Variants in MRC2 observed in about 807,000 individuals in gnomAD.
MRC2 encodes the protein mannose receptor C-type 2, also known as C-type mannose receptor 2.
A neutral mutation model predicts 206.2 loss-of-function variants in MRC2; 84 were observed. That is an observed-to-expected ratio of 0.41 (90% CI 0.34 to 0.49). The LOEUF is 0.49. MRC2 is among the 20% of genes least tolerant of loss of function. The probability of loss-of-function intolerance (pLI) is 0.31; values close to 1 mark genes in which losing one functional copy is unlikely to be tolerated. For synonymous variants in MRC2, 798 were observed against 800.0 expected, an observed-to-expected ratio of 1.00 and a Z score of 0.04; for missense variants, 1,676 against 2,001.5, an observed-to-expected ratio of 0.84 and a Z score of 3.10.
chr17:62,660,035 A>C (rs538991788), intron 1 of MRC2, among the ~76,000 whole-genome samples: 45 of 152,304 alleles, frequency 3.0e-4, no homozygotes, highest in Admixed American at 5.2e-4. Flanking sequence ...CTGGTTCTGG[A>C]AGTGGCAGAG....
intron 1 of MRC2, among the ~76,000 whole-genome samples, chr17:62,659,731 G>A (rs9908362): frequency 0.013 from 1,935 of 152,276 alleles, 34 homozygotes; most frequent in African/African-American, 0.043. Context: ...TGCTGTTAGA[G>A]GACAGAGGGG....
chr17:62,659,382 A>T (rs1366564269), intron 1 of MRC2, among the ~76,000 whole-genome samples: 1 of 152,136 alleles, frequency 6.6e-6, no homozygotes, highest in Non-Finnish European at 1.5e-5. Context: ...TGTACTAAAA[A>T]TACAAAAATT....
rs775443070 is a variant in MRC2 at position 62,688,833 on chromosome 17, A to C, written c.3226-19A>C. 1 of 1,595,322 alleles carries C rather than the reference A, an allele frequency of 6.3e-7. No homozygotes were observed. The highest frequency in any genetic ancestry group is 8.5e-7 in the Non-Finnish European group (1 of 1,169,770). ...GGAGGCAGCTGCTGGGGCTCCCCTG[A>C]GCAGCTCCCTCCCCCCAGACCAGCT... On this transcript the variant is annotated intron_variant, in intron 22 of 29. Transcript: ENST00000303375.
chr17:62,680,271 CGACA>C lies in MRC2; in HGVS notation c.2401_2404del (p.Asp801HisfsTer59), dbSNP rs1188489384. ...CCCTGCAGTGGGTGGCCATGCAGTG[CGACA>C]CACAGCTGGACTGGATCTGCAAGAT... On this transcript the variant is annotated frameshift_variant, in exon 15 of 30. Transcript: ENST00000303375. LOFTEE classifies it high-confidence loss of function. The surrounding 1 kb of genome is among the most constrained non-coding windows in gnomAD (Gnocchi z 4.8). 1.2e-6 allele frequency: 2 copies of C among 1,614,000 alleles called. No homozygotes were observed. Among genetic ancestry groups the C allele is most frequent in the Non-Finnish European group, 1.7e-6 (2 of 1,179,978 alleles).
intron 1 of MRC2, among the ~76,000 whole-genome samples, chr17:62,636,563 G>A (rs552164607): frequency 0.016 from 2,375 of 150,822 alleles, 34 homozygotes; most frequent in Non-Finnish European, 0.02. Context: ...CCACCTCCCA[G>A]GTTCACGCCA....
chr17:62,678,574 G>C lies in MRC2; in HGVS notation c.2123G>C (p.Gly708Ala), dbSNP rs540465342. ...VQAQGACQEL[G>A]AQLLSLASYE... ...GCCCAGGGGGCCTGCCAGGAGCTGGGGGCCCAGCTGCTGAGCCTGGCCAGC... is the reference window on the plus strand; with the variant it reads ...GCCCAGGGGGCCTGCCAGGAGCTGGCGGCCCAGCTGCTGAGCCTGGCCAGC... The change falls in exon 13 of 30, where the codon GGG becomes GCG. Residue 708 changes from glycine to alanine, a missense_variant. By Grantham distance (60) the Gly-to-Ala change is moderately conservative. Coordinates refer to ENST00000303375, the MANE Select transcript of MRC2 (RefSeq NM_006039.5). The C allele has an allele frequency of 1.6e-4, 256 of 1,608,928 alleles. 9 individuals are homozygous for C. The South Asian group carries it at 2.7e-3, about 17-fold the overall frequency.
At position 62,667,340 on chromosome 17, in the gene MRC2, C is replaced by T. The variant is rs535186013; in HGVS notation, c.974-50C>T. On this transcript the variant is annotated intron_variant, in intron 5 of 29. Transcript: ENST00000303375. The surrounding 1 kb of genome is among the most constrained non-coding windows in gnomAD (Gnocchi z 4.1). ...GTTCTGAGCAGGGCCCCGGGAGCCA[C>T]GGTGTGAGCTTCTCTCTCCGGGGGT... The T allele has an allele frequency of 3.3e-6, 5 of 1,533,938 alleles. No individual in the cohort carries two copies. The African/African-American group carries it at 4.2e-5, about 13-fold the overall frequency.
chr17:62,680,651 GGCCTGGCACGGT>G lies in MRC2; in HGVS notation c.2474-143_2474-132del. On this transcript the variant is annotated intron_variant, in intron 16 of 29. Transcript: ENST00000303375. This position sits in a 1 kb window ranked among gnomAD's most constrained non-coding sequence, Gnocchi z 4.8. The stretch of plus-strand genomic sequence containing the variant: ...GAGGCGAGGCAAGCCTGGGGCCTGG[GGCCTGGCACGGT>G]GCCTGCCTGGGTCCGGTGTGCCTGC... The G allele has an allele frequency of 7.9e-7, 1 of 1,266,262 alleles. No individual in the cohort carries two copies. The highest frequency in any genetic ancestry group is 2.6e-5 in the East Asian group (1 of 38,894). 78.4% of individuals were successfully genotyped at this position (1,266,262 alleles called of 1,614,324 possible). A position where few individuals can be genotyped will look rare whatever the true frequency, so the allele number is the denominator to read the frequency against.
At position 62,680,900 on chromosome 17, in the gene MRC2, C is replaced by G. The variant is rs1167401814; in HGVS notation, c.2574C>G (p.Ala858=). ...AGCGCATCTGCACGTGGTTCCAGGC[C>G]GAGCTGACCTCGGTGCACAGCCAGG... ...QAQRICTWFQ[A]ELTSVHSQAE... Residue 858 remains alanine (A), a synonymous_variant, in exon 17 of 30, where the codon GCC becomes GCG. Coordinates refer to ENST00000303375, the MANE Select transcript of MRC2 (RefSeq NM_006039.5). The surrounding 1 kb of genome is among the most constrained non-coding windows in gnomAD (Gnocchi z 4.8). 1.2e-6 allele frequency: 2 copies of G among 1,613,098 alleles called. No homozygotes were observed. Among genetic ancestry groups the G allele is most frequent in the Non-Finnish European group, 8.5e-7 (1 of 1,179,952 alleles).
chr17:62,630,789 G>A (rs2084209912), intron 1 of MRC2, among the ~76,000 whole-genome samples: 1 of 151,996 alleles, frequency 6.6e-6, no homozygotes, highest in African/African-American at 2.4e-5. Context: ...GGGTGGCATC[G>A]GGTACTTGGG....
intron 1 of MRC2, among the ~76,000 whole-genome samples, chr17:62,641,472 G>A (rs1172396344): frequency 6.6e-6 from 1 of 152,180 alleles, no homozygotes; most frequent in Non-Finnish European, 1.5e-5. Flanking sequence ...ACGGGAAGCA[G>A]CTTTGCAGTC....
chr17:62,688,634 C>T lies in MRC2; in HGVS notation c.3195C>T (p.Gly1065=). The T allele has an allele frequency of 6.2e-7, 1 of 1,614,050 alleles. No homozygotes were observed. Among genetic ancestry groups the T allele is most frequent in the African/African-American group, 1.3e-5 (1 of 75,066 alleles). ...ACTGGGCACCTGGGGAGCCCTCTGG[C>T]CCTAGCCCTGCTCCCAGTGGCAACA... is the stretch of plus-strand genomic sequence containing the variant. ...YANWAPGEPS[G]PSPAPSGNKP... is the part of the protein sequence containing the mutation. Residue 1065 remains glycine, a synonymous_variant, in exon 22 of 30, where the codon GGC becomes GGT. Coordinates refer to ENST00000303375, the MANE Select transcript of MRC2 (RefSeq NM_006039.5).
chr17:62,665,225 C>T (rs2088735371), intron 2 of MRC2, among the ~76,000 whole-genome samples: 1 of 152,016 alleles, frequency 6.6e-6, no homozygotes. Flanking sequence ...CATGGAAAAA[C>T]CCCATCTCTA....
intron 1 of MRC2, among the ~76,000 whole-genome samples, chr17:62,640,129 C>T (rs1324936968): frequency 4.0e-5 from 6 of 150,540 alleles, no homozygotes; most frequent in Admixed American, 1.3e-4. Context: ...CCTCGGCCTC[C>T]CAAAGTGCTG....
chr17:62,642,014 C>T (rs996248581), intron 1 of MRC2, among the ~76,000 whole-genome samples: 4 of 152,150 alleles, frequency 2.6e-5, no homozygotes, highest in African/African-American at 9.7e-5. Context: ...CAAAGACATG[C>T]TACTATGTAA....
At chr17:62,678,095 C>T (rs752946922) in intron 12 of MRC2, among the ~76,000 whole-genome samples, 1 of 152,174 alleles carries the variant, frequency 6.6e-6, no homozygotes, top group Non-Finnish European at 1.5e-5. Flanking sequence ...TAGGCTGTCA[C>T]AATGGAGATT....
intron 1 of MRC2, among the ~76,000 whole-genome samples, chr17:62,662,617 G>A (rs536873206): frequency 6.6e-6 from 1 of 152,012 alleles, no homozygotes; most frequent in South Asian, 2.1e-4. Flanking sequence ...ACCTAGAATC[G>A]AAGCACTAGC....
Position 62,674,069 on chromosome 17 carries a change from C to T in MRC2, c.1468C>T (p.Arg490Cys), listed in dbSNP as rs148930317. The T allele has an allele frequency of 2.3e-5, 35 of 1,550,416 alleles. No homozygotes were observed. The highest frequency in any genetic ancestry group is 4.9e-5 in the East Asian group (2 of 40,738). The change falls in exon 9 of 30, where the codon CGC becomes TGC. Residue 490 changes from arginine (R) to cysteine (C), a missense_variant. Physicochemically the swap from Arg to Cys is radical, Grantham distance 180. Around this residue, in one of 3 missense-constraint regions of MRC2, gnomAD observed 1,354 missense variants for 1,636.6 expected, o/e 0.83. Coordinates refer to ENST00000303375, the MANE Select transcript of MRC2 (RefSeq NM_006039.5). Reference sequence around the variant, plus strand: ...CCTCACCCTGTGTCCGTAGGAAGGCCGCTGGAACGACAGTCCCTGTAACCA... The same window carrying T: ...CCTCACCCTGTGTCCGTAGGAAGGCTGCTGGAACGACAGTCCCTGTAACCA... ...DCVTIWGPEG[R>C]WNDSPCNQSL...
At chr17:62,661,025 C>T (rs1203432544) in intron 1 of MRC2, among the ~76,000 whole-genome samples, 1 of 152,172 alleles carries the variant, frequency 6.6e-6, no homozygotes, top group South Asian at 2.1e-4. Flanking sequence ...AGGAGGATCT[C>T]TCTAAAGATG....
Sources: allele counts gnomAD v4.1 joint callset (sites outside exome capture counted in the v4.1 genomes callset), GRCh38; gene constraint gnomAD v4.1.1; regional missense constraint gnomAD v4.1.1; non-coding constraint Gnocchi (gnomAD v3.1); transcripts MANE v1.5; gene names NCBI Gene and HGNC (gene_info 2026-07-23, HGNC 2026-07-21).